Variants in PDE10A observed in about 807,000 individuals in gnomAD.
The protein encoded by PDE10A is cAMP and cAMP-inhibited cGMP 3',5'-cyclic phosphodiesterase 10A.
PDE10A carries 39 observed loss-of-function variants against 97.7 expected under a neutral mutation model. The ratio of observed to expected loss-of-function variants is 0.40; its 90% CI spans 0.31 to 0.52. The LOEUF is 0.52. Ranked by LOEUF, PDE10A falls within the 20% of genes least tolerant of loss-of-function variation. The pLI is 0.56. For missense variants in PDE10A, 731 were observed against 1,047.8 expected (o/e 0.70, Z 4.17); for synonymous variants, 371 against 376.8 (o/e 0.98, Z 0.18).
At chr6:165,969,445 A>G (rs1006356297) in intron 1 of PDE10A, among the ~76,000 whole-genome samples, 8 of 152,176 alleles carry the variant, frequency 5.3e-5, no homozygotes, top group Non-Finnish European at 8.8e-5. Context: ...AGCTATAGCG[A>G]TGGAGGAGAA....
intron 1 of PDE10A, among the ~76,000 whole-genome samples, chr6:165,636,693 G>A (rs1323036483): frequency 6.6e-6 from 1 of 152,200 alleles, no homozygotes; most frequent in Non-Finnish European, 1.5e-5. Flanking sequence ...GCAAAAACTG[G>A]ATAGACTGTT....
intron 18 of PDE10A, 50 bp from the exon 19 acceptor site, chr6:165,343,552 A>C (rs764153641): frequency 2.0e-5 from 26 of 1,269,492 alleles, no homozygotes; most frequent in Non-Finnish European, 2.7e-5. Context: ...GCACATTTAT[A>C]GTAAGGACTA....
At chr6:165,465,174 T>C (rs1778561913) in intron 3 of PDE10A, among the ~76,000 whole-genome samples, 1 of 152,184 alleles carries the variant, frequency 6.6e-6, no homozygotes, top group South Asian at 2.1e-4. Flanking sequence ...AAAGGTGATC[T>C]ATATCACACA....
intron 1 of PDE10A, among the ~76,000 whole-genome samples, chr6:165,917,297 G>T (rs1782633912): frequency 7.1e-6 from 1 of 140,398 alleles, no homozygotes; most frequent in Non-Finnish European, 1.6e-5. Context: ...GCGTACAGCG[G>T]TCTCACTGCA....
intron 11 of PDE10A, 73 bp from the exon 12 acceptor site, chr6:165,416,354 G>T: frequency 1.0e-6 from 1 of 962,622 alleles, no homozygotes; most frequent in Non-Finnish European, 1.7e-6. Flanking sequence ...ATATTCCATT[G>T]TTAATAATAT....
chr6:165,655,410 C>T lies in PDE10A; in HGVS notation c.865+6537G>A, dbSNP rs1789891957. On this transcript the variant is annotated intron_variant, in intron 1 of 21. Coordinates refer to ENST00000539869, the MANE Select transcript of PDE10A (RefSeq NM_001385079.1). The surrounding 1 kb of genome is among the most constrained non-coding windows in gnomAD (Gnocchi z 4.5). ...CCTCCTCCAGGCTTCCCATCCCAAT[C>T]CCAGTGAACAGCCCCACCATTTACC... is the stretch of plus-strand genomic sequence containing the variant. Among the ~76,000 whole-genome samples, 1 of 152,150 alleles carries T rather than the reference C, an allele frequency of 6.6e-6. No homozygotes were observed. Among genetic ancestry groups the T allele is most frequent in the Admixed American group, 6.5e-5 (1 of 15,282 alleles).
intron 1 of PDE10A, among the ~76,000 whole-genome samples, chr6:165,801,942 T>C (rs1423205095): frequency 6.6e-6 from 1 of 152,092 alleles, no homozygotes; most frequent in Non-Finnish European, 1.5e-5. Flanking sequence ...GCAATGGAGA[T>C]GGGCACACAG....
At chr6:165,986,948 G>T (rs1431139018) in intron 1 of PDE10A, among the ~76,000 whole-genome samples, 1 of 121,516 alleles carries the variant, frequency 8.2e-6, no homozygotes, top group African/African-American at 3.3e-5. Flanking sequence ...TGACATCACA[G>T]GATCTTTTGC....
chr6:165,873,416 C>T lies in PDE10A; in HGVS notation c.-615+114113G>A, dbSNP rs149910961. On this transcript the variant is annotated intron_variant, in intron 1 of 19. Coordinates refer to the PDE10A transcript ENST00000366882. ...AACTTGCTCTGCGGGGAAGGTCCAT[C>T]AGCCTCTCTCTGTTTTCTTTTGAAC... Among the ~76,000 whole-genome samples, 238 of 152,318 alleles carry T rather than the reference C, an allele frequency of 1.6e-3. 1 individual carries two copies. Among genetic ancestry groups the T allele is most frequent in the African/African-American group, 5.6e-3 (231 of 41,570 alleles).
chr6:165,804,724 G>A (rs1413521382), intron 1 of PDE10A, among the ~76,000 whole-genome samples: 1 of 152,094 alleles, frequency 6.6e-6, no homozygotes, highest in East Asian at 1.9e-4. Context: ...GCTGCAGGTG[G>A]GAGGGTGTCC....
intron 1 of PDE10A, among the ~76,000 whole-genome samples, chr6:165,654,900 G>A (rs1789860338): frequency 6.6e-6 from 1 of 152,108 alleles, no homozygotes; most frequent in South Asian, 2.1e-4. Context: ...GGATCTTGCC[G>A]GGTCACACCT....
chr6:165,970,235 G>T (rs1007415479), intron 1 of PDE10A, among the ~76,000 whole-genome samples: 10 of 152,358 alleles, frequency 6.6e-5, no homozygotes, highest in African/African-American at 2.4e-4. Context: ...AAACCAAAGA[G>T]ACAAATGCTA....
intron 1 of PDE10A, among the ~76,000 whole-genome samples, chr6:165,839,640 C>G (rs890599745): frequency 2.6e-5 from 4 of 151,862 alleles, no homozygotes; most frequent in African/African-American, 9.7e-5. Flanking sequence ...CTAAATTGCT[C>G]CATCCTCATC....
chr6:165,654,421 G>A (rs1193363368), intron 1 of PDE10A, among the ~76,000 whole-genome samples: 1 of 151,582 alleles, frequency 6.6e-6, no homozygotes, highest in Non-Finnish European at 1.5e-5. Context: ...CTGTCCAATT[G>A]AGAGAAATGG....
chr6:165,486,965 G>T (rs1385429661), intron 2 of PDE10A, among the ~76,000 whole-genome samples: 2 of 152,176 alleles, frequency 1.3e-5, no homozygotes, highest in Non-Finnish European at 2.9e-5. Context: ...AAGAGATGGA[G>T]CCAGGGCCTT....
intron 1 of PDE10A, among the ~76,000 whole-genome samples, chr6:165,891,627 T>C (rs1191457719): frequency 2.6e-5 from 4 of 151,960 alleles, no homozygotes; most frequent in Non-Finnish European, 4.4e-5. Flanking sequence ...CTGGTCACAG[T>C]CCTACTCCAG....
chr6:165,505,214 A>G (rs1781122687), intron 2 of PDE10A, among the ~76,000 whole-genome samples: 1 of 152,228 alleles, frequency 6.6e-6, no homozygotes, highest in African/African-American at 2.4e-5. Context: ...TTTTATTAGT[A>G]AAAATTTACT....
intron 1 of PDE10A, among the ~76,000 whole-genome samples, chr6:165,925,960 T>C (rs1331870095): frequency 6.6e-6 from 1 of 152,258 alleles, no homozygotes; most frequent in Non-Finnish European, 1.5e-5. Flanking sequence ...TTACACAGGA[T>C]GCTGCCATTG....
At chr6:165,482,903 G>A (rs1309986570) in intron 2 of PDE10A, among the ~76,000 whole-genome samples, 1 of 152,194 alleles carries the variant, frequency 6.6e-6, no homozygotes, top group Non-Finnish European at 1.5e-5. Flanking sequence ...GTCAGCATTG[G>A]TGATTGGTAA....
Sources: gnomAD v4.1 joint callset for allele counts (sites outside exome capture counted in the v4.1 genomes callset) on GRCh38, gnomAD v4.1.1 for gene constraint, Gnocchi (gnomAD v3.1) non-coding constraint, MANE v1.5 for transcripts, NCBI Gene and HGNC (gene_info 2026-07-23, HGNC 2026-07-21) for gene names.